The following MRPL58 variants were observed in gnomAD, a reference collection of about 807,000 sequenced individuals.
MRPL58 encodes the protein mitochondrial ribosomal protein L58.
MRPL58 carries 17 observed loss-of-function variants against 26.0 expected under a neutral mutation model. The observed-to-expected ratio is 0.65, with a 90% CI of 0.45 to 0.98. The LOEUF (loss-of-function observed/expected upper bound fraction) is 0.98, where lower values mean the gene tolerates loss of function less well. Among genes scored for constraint, MRPL58 ranks in the 50% least tolerant of loss-of-function variants. The pLI is 0.00. For synonymous variants in MRPL58, 100 were observed against 99.7 expected, an observed-to-expected ratio of 1.00 and a Z score of -0.02; for missense variants, 250 against 269.0, an observed-to-expected ratio of 0.93 and a Z score of 0.49.
Position 75,020,549 on chromosome 17 carries a change from A to G in MRPL58, c.428A>G (p.Gln143Arg). 3.7e-6 allele frequency: 6 copies of G among 1,614,224 alleles called. No homozygotes were observed. Among genetic ancestry groups the G allele is most frequent in the Non-Finnish European group, 5.1e-6 (6 of 1,180,028 alleles). Residue 143 changes from glutamine to arginine, a missense_variant, in exon 5 of 6, where the codon CAG (glutamine) becomes CGG (arginine). Gln to Arg is a conservative substitution (Grantham distance 43). Transcript: ENST00000301585. ...CTCACCTCTGAGAGCAGCCGCTATCAGTTCCGGAATCTGGCAGATTGCCTG... is the reference window on the plus strand; with the variant it reads ...CTCACCTCTGAGAGCAGCCGCTATCGGTTCCGGAATCTGGCAGATTGCCTG... ...LILTSESSRY[Q>R]FRNLADCLQK...
rs544338938 is a variant in MRPL58, at chr17:75,020,848, T to G, written c.537-73T>G. 54 of 1,336,334 alleles carry G rather than the reference T, an allele frequency of 4.0e-5. No individual in the cohort carries two copies. In the South Asian group the frequency reaches 5.6e-4, roughly 14 times the overall value. 82.8% of individuals were successfully genotyped at this position (1,336,334 alleles called of 1,614,324 possible). A position where few individuals can be genotyped will look rare whatever the true frequency, so the allele number is the denominator to read the frequency against. On this transcript the variant is annotated intron_variant, in intron 5 of 5. Transcript: ENST00000301585. ...GTAACTGCTCGGCTTCCCGTTGAGC[T>G]CCCAACTCCTCTCACCACTTTGAAA...
rs1028735015 is a variant in MRPL58 at position 75,017,064 on chromosome 17, A to G, written c.187-14A>G. On this transcript the variant is annotated splice_polypyrimidine_tract_variant and intron_variant, in intron 1 of 5. Transcript: ENST00000301585. ...AGGTAATATTTATTTGACACTGTGTACATTACATTACAGAATGGTGCAAAG... is the reference window on the plus strand; with the variant it reads ...AGGTAATATTTATTTGACACTGTGTGCATTACATTACAGAATGGTGCAAAG... 5.6e-6 allele frequency: 9 copies of G among 1,605,290 alleles called. No homozygotes were observed. The African/African-American group carries it at 1.1e-4, about 19-fold the overall frequency.
rs767280345 is a variant in MRPL58 at position 75,012,857 on chromosome 17, C to T, written c.171C>T (p.Thr57=). Residue 57 remains threonine (T), a synonymous_variant, in exon 1 of 6, where the codon ACC becomes ACT. Coordinates refer to ENST00000301585, the MANE Select transcript of MRPL58 (RefSeq NM_001545.3). The stretch of plus-strand genomic sequence containing the variant: ...ACCCCGAATCTCAGGGCTCGGACAC[C>T]GCCTGGAGGGTCCCGGTGAGCCGGG... ...KLYPESQGSD[T]AWRVPNGAKQ... is the part of the protein sequence containing the mutation. 3.1e-6 allele frequency: 5 copies of T among 1,609,036 alleles called. No homozygotes were observed. In the African/African-American group the frequency reaches 6.7e-5, roughly 22 times the overall value.
chr17:75,019,678 TG>T (rs2040000432), intron 2 of MRPL58, 21 bp from the exon 3 acceptor site: 1 of 1,610,130 alleles, frequency 6.2e-7, no homozygotes, highest in East Asian at 2.2e-5. Flanking sequence ...GTTTTGTGTG[TG>T]TACTTTCTTC....
intron 2 of MRPL58, among the ~76,000 whole-genome samples, chr17:75,018,031 A>C (rs1342853602): frequency 6.6e-6 from 1 of 152,184 alleles, no homozygotes; most frequent in Non-Finnish European, 1.5e-5. Flanking sequence ...CAGAAGTAGA[A>C]TCTTTGCAGC....
At chr17:75,019,873 A>G (rs2040002407) in intron 3 of MRPL58, 114 bp downstream of exon 3, 1 of 712,242 alleles carries the variant, frequency 1.4e-6, no homozygotes, top group African/African-American at 1.8e-5. Context: ...AGAAGCTTTA[A>G]TACTGCCAGC....
At chr17:75,014,270 C>T (rs1161391200) in intron 1 of MRPL58, among the ~76,000 whole-genome samples, 1 of 146,976 alleles carries the variant, frequency 6.8e-6, no homozygotes, top group East Asian at 2.0e-4. Context: ...ACTGCAAGCT[C>T]CGCCTCCCGG....
chr17:75,014,342 C>T (rs2039957550), intron 1 of MRPL58, among the ~76,000 whole-genome samples: 1 of 145,006 alleles, frequency 6.9e-6, no homozygotes, highest in South Asian at 2.2e-4. Flanking sequence ...CCCACCACTA[C>T]AACCGGCTAA....
intron 2 of MRPL58, among the ~76,000 whole-genome samples, chr17:75,017,575 C>A (rs1315035914): frequency 6.6e-6 from 1 of 152,216 alleles, no homozygotes; most frequent in South Asian, 2.1e-4. Context: ...ATGGCAAAGC[C>A]CCATCTCTAC....
chr17:75,020,056 A>ATT lies in MRPL58; in HGVS notation c.284-238_284-237dup, dbSNP rs35323952. Among the ~76,000 whole-genome samples, 41 of 123,706 alleles carry ATT rather than the reference A, an allele frequency of 3.3e-4. 1 individual carries two copies. Among genetic ancestry groups the ATT allele is most frequent in the East Asian group, 1.9e-3 (8 of 4,264 alleles). 81.2% of individuals were successfully genotyped at this position (123,706 alleles called of 152,430 possible). On this transcript the variant is annotated intron_variant, in intron 3 of 5. Transcript: ENST00000301585. Reference sequence around the variant, plus strand: ...CATTCTGGTGCAACCCATTCCCTCCATTTTTTTTTTTTTTTTTTTTGAACC... The same window carrying ATT: ...CATTCTGGTGCAACCCATTCCCTCCATTTTTTTTTTTTTTTTTTTTTTGAACC...
At chr17:75,012,986 C>G in intron 1 of MRPL58, 114 bp downstream of exon 1, 1 of 970,804 alleles carries the variant, frequency 1.0e-6, no homozygotes, top group Non-Finnish European at 1.5e-6. Context: ...ACGTGATGGT[C>G]GCCGCGGGAG....
At position 75,012,784 on chromosome 17, in the gene MRPL58, A is replaced by C. The variant is rs755868899; in HGVS notation, c.98A>C (p.Gln33Pro). The change falls in exon 1 of 6, where the codon CAG becomes CCG. Residue 33 changes from glutamine to proline, a missense_variant. Physicochemically the swap from Gln to Pro is moderately conservative, Grantham distance 76 (BLOSUM62 -1). Transcript: ENST00000301585. ...ARCPRRALHK[Q>P]KDGTEFKSIY... ...TGCCCACGCCGGGCGCTGCACAAGC[A>C]GAAAGACGGCACTGAGTTCAAGAGC... 2 of 1,608,538 alleles carry C rather than the reference A, an allele frequency of 1.2e-6. No homozygotes were observed. The highest frequency in any genetic ancestry group is 1.7e-6 in the Non-Finnish European group (2 of 1,178,274).
At chr17:75,015,859 C>T (rs1163676179) in intron 1 of MRPL58, among the ~76,000 whole-genome samples, 1 of 151,788 alleles carries the variant, frequency 6.6e-6, no homozygotes, top group East Asian at 2.0e-4. Flanking sequence ...CTGATCTCAG[C>T]TCACTGCAAC....
chr17:75,019,324 A>C (rs1250810744), intron 2 of MRPL58, among the ~76,000 whole-genome samples: 1 of 152,164 alleles, frequency 6.6e-6, no homozygotes, highest in East Asian at 1.9e-4. Flanking sequence ...ATGGATCCCG[A>C]AGCGTTCCAT....
In MRPL58 at chr17:75,013,004, G is replaced by T. The variant is rs559787679; in HGVS notation, c.186+132G>T. ...TGATGGTCGCCGCGGGAGGGGGCTGGCTGTCTGCGCTAACCTGGCCGGGAG... is the reference window on the plus strand; with the variant it reads ...TGATGGTCGCCGCGGGAGGGGGCTGTCTGTCTGCGCTAACCTGGCCGGGAG... On this transcript the variant is annotated intron_variant, in intron 1 of 5. Coordinates refer to ENST00000301585, the MANE Select transcript of MRPL58 (RefSeq NM_001545.3). 16 of 796,806 alleles carry T rather than the reference G, an allele frequency of 2.0e-5. 1 individual carries two copies. The highest frequency in any genetic ancestry group is 6.9e-5 in the South Asian group (4 of 57,666). 49.4% of individuals were successfully genotyped at this position (796,806 alleles called of 1,614,324 possible).
chr17:75,018,294 C>T lies in MRPL58; in HGVS notation c.223+1180C>T, dbSNP rs911724468. Among the ~76,000 whole-genome samples the T allele has an allele frequency of 6.6e-5, 10 of 151,866 alleles. No individual in the cohort carries two copies. In the East Asian group the frequency reaches 9.7e-4, roughly 15 times the overall value. On this transcript the variant is annotated intron_variant, in intron 2 of 5. Transcript: ENST00000301585. ...TCACCCAGGCTGGAGTGCAGTGGCC[C>T]GATCTCGGCTCACTGCAAGTTCCGC...
At chr17:75,019,664 A>T (rs2040000293) in intron 2 of MRPL58, 36 bp from the exon 3 acceptor site, 1 of 1,588,852 alleles carries the variant, frequency 6.3e-7, no homozygotes, top group Non-Finnish European at 8.6e-7. Context: ...CCATGAGGTA[A>T]TCAGTTTTGT....
chr17:75,021,184 G>A lies in MRPL58; in HGVS notation c.*179G>A, dbSNP rs145780626. 3 of 595,884 alleles carry A rather than the reference G, an allele frequency of 5.0e-6. No homozygotes were observed. Among genetic ancestry groups the A allele is most frequent in the African/African-American group, 1.9e-5 (1 of 53,758 alleles). The allele number at this position is 595,884 out of a possible 1,614,324, so 36.9% of individuals were successfully genotyped here. A position where few individuals can be genotyped will look rare whatever the true frequency, so the allele number is the denominator to read the frequency against. ...AAGGCTGCAGGCACTGGTTGCAGAC[G>A]TCTTTATAGGCAGTCACCATGTTGT... On this transcript the variant is annotated 3_prime_UTR_variant, in exon 6 of 6. Transcript: ENST00000301585.
chr17:75,018,357 G>A (rs9909063), intron 2 of MRPL58, among the ~76,000 whole-genome samples: 8,398 of 151,612 alleles, frequency 0.055, 589 homozygotes, highest in African/African-American at 0.17. Flanking sequence ...TCAGCCTCCC[G>A]AGTAGCTGGG....
Sources: allele counts gnomAD v4.1 joint callset (sites outside exome capture counted in the v4.1 genomes callset), GRCh38; gene constraint gnomAD v4.1.1; transcripts MANE v1.5; gene names NCBI Gene and HGNC (gene_info 2026-07-23, HGNC 2026-07-21).